The following MVB12B variants were observed in gnomAD, a reference collection of about 807,000 sequenced individuals.
MVB12B encodes the protein ESCRT-I complex subunit MVB12B.
Under a neutral mutation model 41.6 loss-of-function variants are expected in MVB12B, and 16 were observed. The ratio of observed to expected loss-of-function variants is 0.38; its 90% CI spans 0.26 to 0.58. MVB12B has a LOEUF of 0.58. Ranked by LOEUF, MVB12B falls within the 20% of genes least tolerant of loss-of-function variation. The probability of loss-of-function intolerance (pLI) is 0.62; values close to 1 mark genes in which losing one functional copy is unlikely to be tolerated. For synonymous variants in MVB12B, 133 were observed against 139.7 expected (o/e 0.95, Z 0.34); for missense variants, 274 against 380.2 (o/e 0.72, Z 2.32).
At chr9:126,401,705 A>G (rs1831273332) in intron 6 of MVB12B, among the ~76,000 whole-genome samples, 1 of 152,186 alleles carries the variant, frequency 6.6e-6, no homozygotes, top group South Asian at 2.1e-4. Flanking sequence ...CTTGTCCCCC[A>G]TCACATCATT....
intron 2 of MVB12B, among the ~76,000 whole-genome samples, chr9:126,359,879 ATCT>A (rs1829983473): frequency 6.6e-6 from 1 of 152,074 alleles, no homozygotes; most frequent in African/African-American, 2.4e-5. Flanking sequence ...AATTTAATCA[ATCT>A]TCTCAAAGAA....
chr9:126,336,665 C>A (rs527829831), intron 1 of MVB12B, among the ~76,000 whole-genome samples: 3 of 152,104 alleles, frequency 2.0e-5, no homozygotes, highest in Non-Finnish European at 4.4e-5. Context: ...GGAAAAAATC[C>A]TTCTAGCTTG....
rs1386625353 is a variant in MVB12B, at chr9:126,381,069, A to G, written c.210A>G (p.Ala70=). 6.2e-7 allele frequency: 1 copy of G among 1,613,986 alleles called. No homozygotes were observed. Among genetic ancestry groups the G allele is most frequent in the Non-Finnish European group, 8.5e-7 (1 of 1,179,890 alleles). Residue 70 remains alanine, a synonymous_variant, in exon 3 of 10, where the codon GCA becomes GCG. Transcript: ENST00000361171. ...NRAPTGYDVV[A]QTADGVDADL... ...TCTCTGTCTCTCCGGTGTAGGTTGCACAGACAGCAGATGGTGTGGATGCTG... is the reference window on the plus strand; with the variant it reads ...TCTCTGTCTCTCCGGTGTAGGTTGCGCAGACAGCAGATGGTGTGGATGCTG...
Position 126,350,049 on chromosome 9 carries a change from T to C in MVB12B, c.204+9419T>C, listed in dbSNP as rs980575538. ...AGCCATTCTGACACGTGCATAGTGATAATTCATTTGGTTTCACACTGTATT... is the reference window on the plus strand; with the variant it reads ...AGCCATTCTGACACGTGCATAGTGACAATTCATTTGGTTTCACACTGTATT... On this transcript the variant is annotated intron_variant, in intron 2 of 9. Coordinates refer to ENST00000361171, the MANE Select transcript of MVB12B (RefSeq NM_033446.3). Among the ~76,000 whole-genome samples the C allele has an allele frequency of 3.9e-5, 6 of 152,386 alleles. No homozygotes were observed. In the East Asian group the frequency reaches 1.2e-3, roughly 29 times the overall value.
chr9:126,335,052 TGGG>T (rs144287900), intron 1 of MVB12B, among the ~76,000 whole-genome samples: 1 of 152,074 alleles, frequency 6.6e-6, no homozygotes, highest in Non-Finnish European at 1.5e-5. Flanking sequence ...ATTCTTCTGT[TGGG>T]GGGGAAAGGA....
chr9:126,469,668 C>T (rs1052677298), intron 7 of MVB12B, among the ~76,000 whole-genome samples: 4 of 152,306 alleles, frequency 2.6e-5, no homozygotes, highest in South Asian at 4.1e-4. Flanking sequence ...CTAGTGGTAA[C>T]GTATCTGCAT....
chr9:126,466,745 T>C (rs1833209262), intron 7 of MVB12B, among the ~76,000 whole-genome samples: 1 of 152,236 alleles, frequency 6.6e-6, no homozygotes, highest in South Asian at 2.1e-4. Context: ...GTGTTTGTGA[T>C]CATTTCTATT....
chr9:126,337,377 G>C (rs904652651), intron 1 of MVB12B, among the ~76,000 whole-genome samples: 2 of 152,162 alleles, frequency 1.3e-5, no homozygotes, highest in Non-Finnish European at 2.9e-5. Context: ...GGGGAATGTT[G>C]AATCTTGAAA....
intron 7 of MVB12B, among the ~76,000 whole-genome samples, chr9:126,472,337 A>G (rs894311973): frequency 5.3e-5 from 8 of 151,998 alleles, no homozygotes; most frequent in Non-Finnish European, 1.0e-4. Context: ...TTGCCAGGCA[A>G]AGTTCCTACA....
intron 2 of MVB12B, among the ~76,000 whole-genome samples, chr9:126,355,567 T>C (rs1829859904): frequency 6.6e-6 from 1 of 152,250 alleles, no homozygotes; most frequent in Non-Finnish European, 1.5e-5. Flanking sequence ...CCTGCTGGCT[T>C]CAAATGATTT....
rs1011106629 is a variant in MVB12B at position 126,386,482 on chromosome 9, T to C, written c.313-80T>C. 2.2e-6 allele frequency: 2 copies of C among 901,146 alleles called. No homozygotes were observed. The highest frequency in any genetic ancestry group is 1.8e-6 in the Non-Finnish European group (1 of 547,032). The allele number at this position is 901,146 out of a possible 1,614,324, so 55.8% of individuals were successfully genotyped here. A position where few individuals can be genotyped will look rare whatever the true frequency, so the allele number is the denominator to read the frequency against. Reference sequence around the variant, plus strand: ...GCTGCACGAGTCATTGTGTTAAATATGCATCTGGAAGCCAAAATGGCAAAC... The same window carrying C: ...GCTGCACGAGTCATTGTGTTAAATACGCATCTGGAAGCCAAAATGGCAAAC... On this transcript the variant is annotated intron_variant, in intron 3 of 9. Transcript: ENST00000361171. This position sits in a 1 kb window ranked among gnomAD's most constrained non-coding sequence, Gnocchi z 4.3.
chr9:126,501,592 G>A (rs1833959152), intron 9 of MVB12B, among the ~76,000 whole-genome samples: 1 of 152,208 alleles, frequency 6.6e-6, no homozygotes, highest in Admixed American at 6.5e-5. Context: ...CATAGTGCTG[G>A]GCTTTGGCTG....
intron 3 of MVB12B, among the ~76,000 whole-genome samples, chr9:126,381,824 A>G (rs1830646316): frequency 6.6e-6 from 1 of 151,976 alleles, no homozygotes; most frequent in Non-Finnish European, 1.5e-5. Flanking sequence ...GCTCTGTACA[A>G]GGCCTGCCCT....
chr9:126,503,192 C>G lies in MVB12B; in HGVS notation c.889C>G (p.Arg297Gly), dbSNP rs772651109. ...EIEKEYEYSF[R>G]TEQSAAARLP... ...GCCCCTGCAGTACGAGTACAGCTTC[C>G]GCACAGAGCAGAGCGCAGCCGCCAG... The change falls in exon 10 of 10, where the codon CGC becomes GGC. Residue 297 changes from arginine (R) to glycine (G), a missense_variant. Coordinates refer to ENST00000361171, the MANE Select transcript of MVB12B (RefSeq NM_033446.3). 1.1e-4 allele frequency: 166 copies of G among 1,550,744 alleles called. No homozygotes were observed. The highest frequency in any genetic ancestry group is 1.4e-4 in the Non-Finnish European group (165 of 1,147,064).
chr9:126,462,635 C>T (rs1417295102), intron 7 of MVB12B, among the ~76,000 whole-genome samples: 2 of 152,204 alleles, frequency 1.3e-5, no homozygotes, highest in Non-Finnish European at 2.9e-5. Context: ...CTCATGTTGC[C>T]TCTGAAAGTT....
intron 7 of MVB12B, among the ~76,000 whole-genome samples, chr9:126,446,157 T>A (rs745584649): frequency 6.6e-5 from 10 of 152,128 alleles, no homozygotes; most frequent in East Asian, 1.9e-4. Flanking sequence ...ATTTTTTTTT[T>A]AATAAATTCA....
rs747769363 is a variant in MVB12B, at chr9:126,386,730, C to T, written c.409+72C>T. ...TCCAGGTATATTTGTAGGTGTTTTTCTATGTGCATTTTTCTTCAGAAACAC... is the reference window on the plus strand; with the variant it reads ...TCCAGGTATATTTGTAGGTGTTTTTTTATGTGCATTTTTCTTCAGAAACAC... On this transcript the variant is annotated intron_variant, in intron 4 of 9. Coordinates refer to ENST00000361171, the MANE Select transcript of MVB12B (RefSeq NM_033446.3). The surrounding 1 kb of genome is among the most constrained non-coding windows in gnomAD (Gnocchi z 4.3). 5.2e-6 allele frequency: 6 copies of T among 1,157,998 alleles called. No individual in the cohort carries two copies. Among genetic ancestry groups the T allele is most frequent in the Non-Finnish European group, 7.7e-6 (6 of 780,868 alleles). 71.7% of individuals were successfully genotyped at this position (1,157,998 alleles called of 1,614,324 possible). A position where few individuals can be genotyped will look rare whatever the true frequency, so the allele number is the denominator to read the frequency against.
At chr9:126,336,716 G>T (rs913242528) in intron 1 of MVB12B, among the ~76,000 whole-genome samples, 1 of 151,038 alleles carries the variant, frequency 6.6e-6, no homozygotes, top group Non-Finnish European at 1.5e-5. Flanking sequence ...TTCCCATTCC[G>T]TACACTTGTG....
rs191898555 is a variant in MVB12B at position 126,391,760 on chromosome 9, T to C, written c.410-306T>C. ...TGTGTTAATGCTCAGGGCGTCAGTG[T>C]GCAGGTTTCTGATGGCTGAGCAGTG... On this transcript the variant is annotated intron_variant, in intron 4 of 9. Transcript: ENST00000361171. This position sits in a 1 kb window ranked among gnomAD's most constrained non-coding sequence, Gnocchi z 4.4. 2.3e-3 allele frequency among the ~76,000 whole-genome samples: 355 copies of C among 152,346 alleles called. 3 individuals carry two copies. The highest frequency in any genetic ancestry group is 0.02 in the Middle Eastern group (6 of 294).
Sources: allele counts gnomAD v4.1 joint callset (sites outside exome capture counted in the v4.1 genomes callset), GRCh38; gene constraint gnomAD v4.1.1; non-coding constraint Gnocchi (gnomAD v3.1); transcripts MANE v1.5; gene names NCBI Gene and HGNC (gene_info 2026-07-23, HGNC 2026-07-21).